SRGAP2C: variants seen among roughly 807,000 people sequenced by gnomAD.
SRGAP2C encodes the protein SLIT-ROBO Rho GTPase-activating protein 2C.
A neutral mutation model predicts 25.1 loss-of-function variants in SRGAP2C; 15 were observed. That is an observed-to-expected ratio of 0.60 (90% CI 0.40 to 0.92). The LOEUF (loss-of-function observed/expected upper bound fraction) is 0.92. SRGAP2C is among the 40% of genes least tolerant of loss of function. The pLI is 0.00. For missense variants in SRGAP2C, 144 were observed against 264.4 expected, an observed-to-expected ratio of 0.54 and a Z score of 3.16; for synonymous variants, 44 against 96.6, an observed-to-expected ratio of 0.46 and a Z score of 3.19.
At chr1:121,264,469 C>T (rs1283422053) in intron 2 of SRGAP2C, among the ~76,000 whole-genome samples, 3 of 116,182 alleles carry the variant, frequency 2.6e-5, no homozygotes, top group Non-Finnish European at 1.8e-5. Context: ...CTCACCAGAG[C>T]TTGACCCCTG....
In SRGAP2C at chr1:121,375,959, C is replaced by T. The variant is rs587661714; in HGVS notation, c.831+1005C>T. On this transcript the variant is annotated intron_variant, in intron 7 of 9. Transcript: ENST00000367123. Reference sequence around the variant, plus strand: ...GTGATGCAAAGGGGATTGAGGAAAGCGGTTAATAGGCACATGTGTTTTGCA... The same window carrying T: ...GTGATGCAAAGGGGATTGAGGAAAGTGGTTAATAGGCACATGTGTTTTGCA... Among the ~76,000 whole-genome samples, 147 of 151,124 alleles carry T rather than the reference C, an allele frequency of 9.7e-4. 1 individual carries two copies. The highest frequency in any genetic ancestry group is 7.9e-3 in the Admixed American group (120 of 15,108).
At position 121,355,215 on chromosome 1, in the gene SRGAP2C, T is replaced by C. The variant is rs587748319; in HGVS notation, c.424-10078T>C. 2.0e-3 allele frequency among the ~76,000 whole-genome samples: 281 copies of C among 142,176 alleles called. 5 individuals carry two copies. The East Asian group carries it at 0.027, about 14-fold the overall frequency. The allele number at this position is 142,176 out of a possible 152,430, so 93.3% of individuals were successfully genotyped here. On this transcript the variant is annotated intron_variant, in intron 4 of 9. Transcript: ENST00000367123. ...CTGTCTCAGTGAATGATTAAACAAC[T>C]AGACCAAAAAAGTCAGTAAAAATAC...
intron 4 of SRGAP2C, among the ~76,000 whole-genome samples, chr1:121,348,561 T>G (rs1249181549): frequency 1.3e-5 from 2 of 151,702 alleles, no homozygotes; most frequent in African/African-American, 2.4e-5. Flanking sequence ...TCTGATGAAT[T>G]TAAAAACTGA....
chr1:121,254,623 T>TA (rs1260576743), intron 2 of SRGAP2C, among the ~76,000 whole-genome samples: 1 of 148,726 alleles, frequency 6.7e-6, no homozygotes, highest in Non-Finnish European at 1.5e-5. Context: ...CGTCTTAGAG[T>TA]AGCTGGGGGT....
In SRGAP2C at chr1:121,310,746, G is replaced by A. The variant is rs1307208838; in HGVS notation, c.261-13732G>A. ...GATCAGATAGTTGTAGGTATGCGGC[G>A]TTATTTCTGAGGGCTCTGTTCTGTT... On this transcript the variant is annotated intron_variant, in intron 3 of 9. Coordinates refer to ENST00000367123, the MANE Select transcript of SRGAP2C (RefSeq NM_001329984.2). Among the ~76,000 whole-genome samples the A allele has an allele frequency of 8.1e-5, 7 of 86,742 alleles. 1 individual carries two copies. The highest frequency in any genetic ancestry group is 3.6e-4 in the Admixed American group (3 of 8,310). The allele number at this position is 86,742 out of a possible 152,430, so 56.9% of individuals were successfully genotyped here.
intron 8 of SRGAP2C, among the ~76,000 whole-genome samples, chr1:121,385,039 G>A (rs1416526893): frequency 1.3e-5 from 2 of 152,042 alleles, no homozygotes; most frequent in African/African-American, 4.8e-5. Flanking sequence ...GAAATAAAAA[G>A]AGATGAGAGG....
chr1:121,328,894 AAAAAAAAAAAAC>A (rs1413544937), intron 4 of SRGAP2C, among the ~76,000 whole-genome samples: 3 of 30,270 alleles, frequency 9.9e-5, no homozygotes, highest in East Asian at 5.1e-3. Context: ...CTGTTTAAAA[AAAAAAAAAAAAC>A]AAAAAACAAA....
At chr1:121,306,098 G>A (rs1329802998) in intron 3 of SRGAP2C, among the ~76,000 whole-genome samples, 2 of 152,166 alleles carry the variant, frequency 1.3e-5, no homozygotes, top group Admixed American at 6.5e-5. Context: ...AGGTAAGGCT[G>A]GGACCTCTGT....
At chr1:121,222,381 C>A (rs1156407767) in intron 2 of SRGAP2C, among the ~76,000 whole-genome samples, 1 of 152,088 alleles carries the variant, frequency 6.6e-6, no homozygotes. Flanking sequence ...GTAATCCCAC[C>A]ACTTTGGGAG....
At chr1:121,367,163 A>G (rs1244574039) in intron 5 of SRGAP2C, among the ~76,000 whole-genome samples, 1 of 151,944 alleles carries the variant, frequency 6.6e-6, no homozygotes, top group Non-Finnish European at 1.5e-5. Context: ...TGAGTGTGGT[A>G]TCCCCTGCCA....
At chr1:121,198,007 G>A (rs1326978430) in intron 2 of SRGAP2C, among the ~76,000 whole-genome samples, 1 of 24,980 alleles carries the variant, frequency 4.0e-5, no homozygotes, top group Non-Finnish European at 8.3e-5. Flanking sequence ...TTCAAAGCAC[G>A]GTGTGGAGAG....
chr1:121,272,160 CAAAAAAA>C (rs61711288), intron 2 of SRGAP2C, among the ~76,000 whole-genome samples: 6 of 9,192 alleles, frequency 6.5e-4, no homozygotes, highest in Non-Finnish European at 1.1e-3. Context: ...GACTCCATCT[CAAAAAAA>C]AAAAAAAAAA....
intron 2 of SRGAP2C, among the ~76,000 whole-genome samples, chr1:121,191,848 A>G (rs1320378281): frequency 3.5e-5 from 5 of 144,216 alleles, no homozygotes; most frequent in Non-Finnish European, 6.0e-5. Flanking sequence ...GTGGCACTGT[A>G]TGCTGAGCAG....
chr1:121,278,210 G>C lies in SRGAP2C; in HGVS notation c.68-6593G>C, dbSNP rs1428863792. ...AATCGGCCCACCTCGGCTTCCCAAAGTCCTGGGATTACAGGGGTGAGCCAC... is the reference window on the plus strand; with the variant it reads ...AATCGGCCCACCTCGGCTTCCCAAACTCCTGGGATTACAGGGGTGAGCCAC... On this transcript the variant is annotated intron_variant, in intron 2 of 9. Coordinates refer to ENST00000367123, the MANE Select transcript of SRGAP2C (RefSeq NM_001329984.2). 7.6e-4 allele frequency among the ~76,000 whole-genome samples: 116 copies of C among 152,094 alleles called. 1 individual carries two copies. The highest frequency in any genetic ancestry group is 2.6e-3 in the African/African-American group (108 of 41,552).
rs587694141 is a variant in SRGAP2C at position 121,359,859 on chromosome 1, G to C, written c.424-5434G>C. ...CAGCACATAAGTAGAGGTGAAGCCAGCTGGACTTCCTCAGTGGAGTGGGGA... is the reference window on the plus strand; with the variant it reads ...CAGCACATAAGTAGAGGTGAAGCCACCTGGACTTCCTCAGTGGAGTGGGGA... On this transcript the variant is annotated intron_variant, in intron 4 of 9. Transcript: ENST00000367123. 1.0e-3 allele frequency among the ~76,000 whole-genome samples: 152 copies of C among 152,394 alleles called. 2 individuals carry two copies. Among genetic ancestry groups the C allele is most frequent in the Admixed American group, 8.4e-3 (128 of 15,300 alleles).
intron 3 of SRGAP2C, among the ~76,000 whole-genome samples, chr1:121,309,230 G>C (rs1657920620): frequency 9.1e-6 from 1 of 109,800 alleles, no homozygotes; most frequent in Admixed American, 1.0e-4. Context: ...CAAAAGTCAT[G>C]TGTGTTAGGC....
chr1:121,285,001 G>A lies in SRGAP2C; in HGVS notation c.260+6G>A, dbSNP rs1383241262. The A allele has an allele frequency of 4.8e-6, 7 of 1,451,684 alleles. No homozygotes were observed. The Admixed American group carries it at 7.9e-5, about 16-fold the overall frequency. The allele number at this position is 1,451,684 out of a possible 1,614,324, so 89.9% of individuals were successfully genotyped here. ...ACCAAGGACCAGCAATTCAAGTAGG[G>A]GCTCTGTGGCTATTACTCTCTGAGA... On this transcript the variant is annotated splice_donor_region_variant and intron_variant, in intron 3 of 9. Coordinates refer to ENST00000367123, the MANE Select transcript of SRGAP2C (RefSeq NM_001329984.2).
intron 4 of SRGAP2C, among the ~76,000 whole-genome samples, chr1:121,346,989 A>G (rs1287949528): frequency 2.0e-5 from 3 of 152,058 alleles, no homozygotes; most frequent in Non-Finnish European, 4.4e-5. Flanking sequence ...CCACAAATCA[A>G]CTCAGGGCCG....
At chr1:121,263,475 C>A (rs1220996420) in intron 2 of SRGAP2C, among the ~76,000 whole-genome samples, 8 of 149,620 alleles carry the variant, frequency 5.3e-5, no homozygotes, top group Admixed American at 1.3e-4. Flanking sequence ...TTTGTTGGAA[C>A]CTGTAACACT....
Sources: allele counts gnomAD v4.1 joint callset (sites outside exome capture counted in the v4.1 genomes callset), GRCh38; gene constraint gnomAD v4.1.1; transcripts MANE v1.5; gene names NCBI Gene and HGNC (gene_info 2026-07-23, HGNC 2026-07-21).